ABCB7: variants seen among roughly 807,000 people sequenced by gnomAD.
The protein encoded by ABCB7 is ATP binding cassette subfamily B member 7.
Under a neutral mutation model 54.4 loss-of-function variants are expected in ABCB7, and 7 were observed. The observed-to-expected ratio is 0.13, with a 90% CI of 0.07 to 0.24. The LOEUF (loss-of-function observed/expected upper bound fraction) is 0.24. ABCB7 is among the 10% of genes least tolerant of loss of function. The pLI, the probability that ABCB7 is intolerant of heterozygous loss-of-function variation, is 1.00. For missense variants in ABCB7, 356 were observed against 570.4 expected (o/e 0.62, Z 3.83); for synonymous variants, 218 against 207.1 (o/e 1.05, Z -0.45).
chrX:75,113,768 T>C (rs1453316499), intron 2 of ABCB7, among the ~76,000 whole-genome samples: 1 of 112,133 alleles, frequency 8.9e-6, no homozygotes, highest in Non-Finnish European at 1.9e-5. Context: ...GGCCAAGCTA[T>C]GAAAATGGAG....
chrX:75,070,602 T>G, intron 9 of ABCB7, 80 bp from the exon 10 acceptor site: 2 of 963,846 alleles, frequency 2.1e-6, no homozygotes, highest in Admixed American at 4.5e-5. Flanking sequence ...TATAGTCTAT[T>G]ACGACGGAAC....
rs887974659 is a variant in ABCB7 at position 75,071,491 on chromosome X, T to C, written c.1207+18A>G. 3 of 1,207,034 alleles carry C rather than the reference T, an allele frequency of 2.5e-6. No homozygotes were observed. Among genetic ancestry groups the C allele is most frequent in the Non-Finnish European group, 3.4e-6 (3 of 892,951 alleles). On this transcript the variant is annotated intron_variant, in intron 9 of 15. Coordinates refer to ENST00000373394, the MANE Select transcript of ABCB7 (RefSeq NM_001271696.3). ...AAAGTTGAACAGCCTGTAAATGTGA[T>C]AGCCACAGACTCATTACCTGCCACA... is the stretch of plus-strand genomic sequence containing the variant.
intron 1 of ABCB7, among the ~76,000 whole-genome samples, chrX:75,140,633 A>G (rs948060003): frequency 1.8e-5 from 2 of 111,211 alleles, no homozygotes; most frequent in Admixed American, 9.6e-5. Context: ...AAGTGATATG[A>G]CCATTTATCT....
chrX:75,155,671 G>T (rs1040051529), intron 1 of ABCB7, among the ~76,000 whole-genome samples: 1 of 111,649 alleles, frequency 9.0e-6, no homozygotes, highest in Non-Finnish European at 1.9e-5. Context: ...TAGATAGCTT[G>T]CTGTCATTAC....
chrX:75,063,298 T>G (rs1410771374), intron 13 of ABCB7, among the ~76,000 whole-genome samples: 2 of 111,410 alleles, frequency 1.8e-5, no homozygotes. Context: ...TAGTTGGAAG[T>G]ACAGAAGATG....
At chrX:75,099,161 A>G in intron 3 of ABCB7, 100 bp from the exon 4 acceptor site, 1 of 927,163 alleles carries the variant, frequency 1.1e-6, no homozygotes, top group South Asian at 2.3e-5. Flanking sequence ...ATACATGAAA[A>G]CATTACAAAT....
intron 15 of ABCB7, among the ~76,000 whole-genome samples, chrX:75,055,067 C>T (rs912724282): frequency 6.3e-5 from 7 of 111,221 alleles, no homozygotes; most frequent in Non-Finnish European, 1.1e-4. Flanking sequence ...TGGAGATTTC[C>T]TTGACTTTAT....
At chrX:75,058,061 G>A (rs1326394290) in intron 15 of ABCB7, among the ~76,000 whole-genome samples, 1 of 111,110 alleles carries the variant, frequency 9.0e-6, no homozygotes, top group East Asian at 2.8e-4. Flanking sequence ...CCAGGCTGTG[G>A]GGGTGAGAAA....
chrX:75,136,339 C>A (rs1375573368), intron 1 of ABCB7, among the ~76,000 whole-genome samples: 1 of 111,032 alleles, frequency 9.0e-6, no homozygotes, highest in Non-Finnish European at 1.9e-5. Flanking sequence ...TAAAAGAAAT[C>A]AGAGATGGCA....
At chrX:75,115,266 CAAA>C (rs1160024642) in intron 1 of ABCB7, among the ~76,000 whole-genome samples, 150 of 13,149 alleles carry the variant, frequency 0.011, no homozygotes, top group African/African-American at 0.047. Context: ...GACTCTGTCT[CAAA>C]AAAAAAAAAA....
chrX:75,115,131 G>T (rs1318839648), intron 1 of ABCB7, among the ~76,000 whole-genome samples: 53 of 107,550 alleles, frequency 4.9e-4, no homozygotes, highest in African/African-American at 1.8e-3. Context: ...AGCTGGGCGT[G>T]GTGGCGTGCG....
intron 1 of ABCB7, among the ~76,000 whole-genome samples, chrX:75,132,413 T>C (rs1480582867): frequency 1.8e-5 from 2 of 113,202 alleles, no homozygotes; most frequent in Non-Finnish European, 3.7e-5. Context: ...TGCATTTGCC[T>C]GGGGCAGAGC....
intron 8 of ABCB7, among the ~76,000 whole-genome samples, chrX:75,073,236 C>T (rs895804278): frequency 8.9e-6 from 1 of 111,948 alleles, no homozygotes; most frequent in African/African-American, 3.2e-5. Flanking sequence ...TACTAGTTAA[C>T]ATACTAGTTT....
intron 15 of ABCB7, 54 bp downstream of exon 15, chrX:75,060,169 T>C: frequency 1.0e-6 from 1 of 960,501 alleles, no homozygotes; most frequent in East Asian, 3.1e-5. Flanking sequence ...TTCTTGTATC[T>C]ATAACAATTT....
chrX:75,114,958 T>C lies in ABCB7; in HGVS notation c.169-127A>G, dbSNP rs1255868948. 8 of 562,901 alleles carry C rather than the reference T, an allele frequency of 1.4e-5. No homozygotes were observed. In the East Asian group the frequency reaches 3.6e-4, roughly 25 times the overall value. The allele number at this position is 562,901 out of a possible 1,213,427, so 46.4% of individuals were successfully genotyped here. A position where few individuals can be genotyped will look rare whatever the true frequency, so the allele number is the denominator to read the frequency against. ...GCCATATTGGAGAGATGATTATGCT[T>C]TTAACGTATGCCTAAAAAGACAAAA... On this transcript the variant is annotated intron_variant, in intron 1 of 15. Transcript: ENST00000373394.
chrX:75,118,849 T>C (rs899420010), intron 1 of ABCB7, among the ~76,000 whole-genome samples: 4 of 111,584 alleles, frequency 3.6e-5, no homozygotes, highest in Admixed American at 9.5e-5. Context: ...GGGGATGAGC[T>C]GATTCCCTCT....
At chrX:75,076,430 G>C in intron 5 of ABCB7, 92 bp downstream of exon 5, 1 of 1,059,595 alleles carries the variant, frequency 9.4e-7, no homozygotes, top group South Asian at 1.9e-5. Context: ...ACGCTAAGTT[G>C]TGTTTGTAGT....
Position 75,062,394 on chromosome X carries a change from A to G in ABCB7, c.1869T>C (p.Ile623=). Residue 623 remains isoleucine, a synonymous_variant, in exon 14 of 16, where the codon ATT becomes ATC. Coordinates refer to ENST00000373394, the MANE Select transcript of ABCB7 (RefSeq NM_001271696.3). ...EKQRVAIARA[I]LKDPPVILYD... ...AGAGTATGACTGGGGGGTCCTTCAA[A>G]ATGGCTCTTGCAATTGCTACTCTTT... 8.3e-7 allele frequency: 1 copy of G among 1,210,938 alleles called. No homozygotes were observed. The highest frequency in any genetic ancestry group is 1.8e-5 in the South Asian group (1 of 56,965).
chrX:75,068,951 G>A (rs2081342537), intron 12 of ABCB7, 56 bp downstream of exon 12: 12 of 1,149,908 alleles, frequency 1.0e-5, no homozygotes, highest in Non-Finnish European at 1.3e-5. Flanking sequence ...TTCTAGTTAC[G>A]GATTGATCAA....
Sources: allele counts gnomAD v4.1 joint callset (sites outside exome capture counted in the v4.1 genomes callset), GRCh38; gene constraint gnomAD v4.1.1; transcripts MANE v1.5; gene names NCBI Gene and HGNC (gene_info 2026-07-23, HGNC 2026-07-21).